GABRB2: variants seen among roughly 807,000 people sequenced by gnomAD.
GABRB2 encodes gamma-aminobutyric acid type A receptor subunit beta2.
GABRB2 carries 16 observed loss-of-function variants against 54.7 expected under a neutral mutation model. The ratio of observed to expected loss-of-function variants is 0.29; its 90% CI spans 0.20 to 0.44. GABRB2 has a LOEUF of 0.44. GABRB2 is among the 20% of genes least tolerant of loss of function. The pLI is 1.00. For synonymous variants in GABRB2, 244 were observed against 233.8 expected (o/e 1.04, Z -0.40); for missense variants, 355 against 644.0 (o/e 0.55, Z 4.86).
chr5:161,401,983 G>A (rs577860250), intron 5 of GABRB2, among the ~76,000 whole-genome samples: 187 of 151,922 alleles, frequency 1.2e-3, no homozygotes, highest in African/African-American at 4.3e-3. Context: ...TGTAAATGGG[G>A]CATTAAATTT....
chr5:161,372,234 C>T (rs1166080431), intron 5 of GABRB2, among the ~76,000 whole-genome samples: 1 of 152,126 alleles, frequency 6.6e-6, no homozygotes, highest in Non-Finnish European at 1.5e-5. Context: ...TGCAACTTCT[C>T]TTTGAAAAAT....
chr5:161,395,062 T>A (rs1022849895), intron 5 of GABRB2, among the ~76,000 whole-genome samples: 2 of 152,114 alleles, frequency 1.3e-5, no homozygotes, highest in African/African-American at 2.4e-5. Flanking sequence ...TCATTAAAAA[T>A]TAAATAATAT....
chr5:161,479,098 C>A (rs1758678094), intron 3 of GABRB2, among the ~76,000 whole-genome samples: 1 of 152,030 alleles, frequency 6.6e-6, no homozygotes, highest in Admixed American at 6.6e-5. Context: ...CAAGAGAATT[C>A]TCATGCTTCC....
intron 3 of GABRB2, among the ~76,000 whole-genome samples, chr5:161,470,119 C>A (rs1000700129): frequency 1.3e-5 from 2 of 151,354 alleles, no homozygotes; most frequent in Admixed American, 1.3e-4. Context: ...CCTGTCTATC[C>A]AAACCCTGCC....
chr5:161,459,141 A>T (rs371594657), intron 4 of GABRB2: 1 of 165,754 alleles, frequency 6.0e-6, no homozygotes, highest in Admixed American at 5.8e-5. Context: ...TCCCATTAAT[A>T]AACATGAGAT....
chr5:161,326,851 T>C (rs1212063778), intron 8 of GABRB2: 1 of 328,044 alleles, frequency 3.0e-6, no homozygotes, highest in African/African-American at 2.2e-5. Context: ...CAGGTGCATT[T>C]GATATGTGCA....
chr5:161,436,328 C>A (rs1427446766), intron 4 of GABRB2, among the ~76,000 whole-genome samples: 1 of 152,054 alleles, frequency 6.6e-6, no homozygotes, highest in Non-Finnish European at 1.5e-5. Flanking sequence ...GTCAGTAGGT[C>A]GAGACCAGCC....
chr5:161,296,591 A>G (rs1757387131), intron 9 of GABRB2, among the ~76,000 whole-genome samples: 1 of 152,214 alleles, frequency 6.6e-6, no homozygotes. Context: ...TTTCTGTTTC[A>G]TTATCCAAAT....
At chr5:161,341,184 T>A (rs1315682604) in intron 5 of GABRB2, among the ~76,000 whole-genome samples, 1 of 151,974 alleles carries the variant, frequency 6.6e-6, no homozygotes, top group Non-Finnish European at 1.5e-5. Context: ...CTTCTTTTCT[T>A]TGGATATTCT....
intron 3 of GABRB2, among the ~76,000 whole-genome samples, chr5:161,493,902 C>A (rs1295817873): frequency 6.6e-6 from 1 of 151,658 alleles, no homozygotes; most frequent in Non-Finnish European, 1.5e-5. Flanking sequence ...AATGTTGAAG[C>A]ATTCTAGGTT....
chr5:161,352,751 A>C (rs2910303), intron 5 of GABRB2, among the ~76,000 whole-genome samples: 115,508 of 151,886 alleles, frequency 0.76, 44,103 homozygotes, highest in South Asian at 0.86. Context: ...TGTTAATTAG[A>C]TTGAGCTTGT....
chr5:161,422,135 T>C (rs138087574), intron 4 of GABRB2, among the ~76,000 whole-genome samples: 8 of 152,238 alleles, frequency 5.3e-5, no homozygotes, highest in African/African-American at 1.9e-4. Flanking sequence ...ATCCACCAAA[T>C]GTGCAAACAT....
chr5:161,420,832 T>TA (rs1756826466), intron 4 of GABRB2, among the ~76,000 whole-genome samples: 2 of 152,200 alleles, frequency 1.3e-5, no homozygotes, highest in African/African-American at 4.8e-5. Context: ...GAAGTGTACT[T>TA]AAAATCTGAG....
At chr5:161,501,399 T>C (rs1343829472) in intron 3 of GABRB2, among the ~76,000 whole-genome samples, 1 of 152,198 alleles carries the variant, frequency 6.6e-6, no homozygotes, top group Non-Finnish European at 1.5e-5. Context: ...GATTTTTCCA[T>C]TATCTATTTT....
intron 4 of GABRB2, among the ~76,000 whole-genome samples, chr5:161,450,036 C>G (rs566968508): frequency 1.3e-4 from 20 of 152,258 alleles, no homozygotes; most frequent in African/African-American, 4.8e-4. Context: ...CAATAATTTT[C>G]CTCTTTGCAG....
intron 5 of GABRB2, among the ~76,000 whole-genome samples, chr5:161,357,786 A>C (rs1412242522): frequency 6.6e-6 from 1 of 152,112 alleles, no homozygotes; most frequent in Non-Finnish European, 1.5e-5. Context: ...TATATGAAAG[A>C]GAGAGTGGAC....
At chr5:161,470,683 TTCATCACACTC>T (rs1431174333) in intron 3 of GABRB2, among the ~76,000 whole-genome samples, 1 of 151,888 alleles carries the variant, frequency 6.6e-6, no homozygotes. Context: ...GGCGAGAGAT[TTCATCACACTC>T]CTCTGAACGG....
intron 5 of GABRB2, among the ~76,000 whole-genome samples, chr5:161,360,536 T>G (rs1754779798): frequency 1.3e-5 from 2 of 152,218 alleles, no homozygotes; most frequent in Admixed American, 6.5e-5. Context: ...ACCAATTTAT[T>G]ATTTTAAAAA....
chr5:161,304,854 T>A (rs1356831973), intron 9 of GABRB2, among the ~76,000 whole-genome samples: 1 of 152,064 alleles, frequency 6.6e-6, no homozygotes, highest in East Asian at 1.9e-4. Flanking sequence ...TATTTCTGGG[T>A]GCCTCTTATT....
Sources: gnomAD v4.1 joint callset for allele counts (sites outside exome capture counted in the v4.1 genomes callset) on GRCh38, gnomAD v4.1.1 for gene constraint, MANE v1.5 for transcripts, NCBI Gene and HGNC (gene_info 2026-07-23, HGNC 2026-07-21) for gene names.